The following NTRK3 variants were observed in gnomAD, a reference collection of about 807,000 sequenced individuals.
NTRK3 encodes NT-3 growth factor receptor.
A neutral mutation model predicts 91.7 loss-of-function variants in NTRK3; 24 were observed. The observed-to-expected ratio is 0.26, with a 90% CI of 0.19 to 0.37. The LOEUF is 0.37. NTRK3 is among the 10% of genes least tolerant of loss of function. NTRK3 has a pLI of 1.00. For missense variants in NTRK3, 880 were observed against 1,068.9 expected (o/e 0.82, Z 2.46); for synonymous variants, 483 against 404.0 (o/e 1.20, Z -2.34).
At chr15:87,898,399 G>T (rs1214145881) in intron 17 of NTRK3, among the ~76,000 whole-genome samples, 1 of 152,166 alleles carries the variant, frequency 6.6e-6, no homozygotes, top group Non-Finnish European at 1.5e-5. Flanking sequence ...GTGACTGCCA[G>T]TCTGGATCCT....
chr15:88,036,450 A>C (rs1024044179), intron 13 of NTRK3, among the ~76,000 whole-genome samples: 1 of 152,154 alleles, frequency 6.6e-6, no homozygotes, highest in South Asian at 2.1e-4. Flanking sequence ...ATCCACTCTA[A>C]GAACAAAATA....
At chr15:87,972,083 A>G (rs2073306638) in intron 14 of NTRK3, among the ~76,000 whole-genome samples, 1 of 152,206 alleles carries the variant, frequency 6.6e-6, no homozygotes, top group Non-Finnish European at 1.5e-5. Flanking sequence ...TGCCAAGGCT[A>G]AGTCCTTGTC....
chr15:88,195,954 A>C (rs2047779063), intron 3 of NTRK3, among the ~76,000 whole-genome samples: 1 of 152,176 alleles, frequency 6.6e-6, no homozygotes, highest in Admixed American at 6.5e-5. Context: ...GCCACCCTTT[A>C]CTGAATTATA....
rs539485805 is a variant in NTRK3 at position 88,080,688 on chromosome 15, T to C, written c.1396+45583A>G. Among the ~76,000 whole-genome samples, 3 of 152,338 alleles carry C rather than the reference T, an allele frequency of 2.0e-5. No homozygotes were observed. In the East Asian group the frequency reaches 5.8e-4, roughly 29 times the overall value. ...CAGTGACGTGGCTCTTCCAATCTCA[T>C]GGCCAAAGAGCCCCAGATTGGAAGG... On this transcript the variant is annotated intron_variant, in intron 13 of 18. Transcript: ENST00000394480.
At chr15:87,922,547 C>A (rs952219855) in intron 17 of NTRK3, among the ~76,000 whole-genome samples, 3 of 152,104 alleles carry the variant, frequency 2.0e-5, no homozygotes, top group African/African-American at 7.2e-5. Context: ...CTCTTAAAAG[C>A]CCTGAACCTT....
chr15:88,055,020 C>T (rs1157586596), intron 13 of NTRK3, among the ~76,000 whole-genome samples: 8 of 152,120 alleles, frequency 5.3e-5, no homozygotes, highest in Non-Finnish European at 1.0e-4. Context: ...AACCTCAGAG[C>T]CCAAACACTT....
chr15:88,239,917 G>A (rs1362863705), intron 3 of NTRK3, among the ~76,000 whole-genome samples: 2 of 152,238 alleles, frequency 1.3e-5, no homozygotes, highest in East Asian at 1.9e-4. Context: ...GCCAAACTTC[G>A]GAATCAGAAA....
chr15:88,015,570 A>C (rs1011208224), intron 14 of NTRK3, among the ~76,000 whole-genome samples: 4 of 151,696 alleles, frequency 2.6e-5, no homozygotes, highest in African/African-American at 7.3e-5. Flanking sequence ...ACTGCTCTCT[A>C]AGCACACTGG....
intron 5 of NTRK3, among the ~76,000 whole-genome samples, chr15:88,173,191 G>A (rs954726221): frequency 6.6e-6 from 1 of 152,152 alleles, no homozygotes; most frequent in African/African-American, 2.4e-5. Context: ...GGGGACCCAG[G>A]CACACCTACA....
chr15:88,151,101 T>G (rs1472715899), intron 5 of NTRK3, among the ~76,000 whole-genome samples: 1 of 152,150 alleles, frequency 6.6e-6, no homozygotes, highest in Non-Finnish European at 1.5e-5. Context: ...GACTTTTGCT[T>G]GGGTCAATGG....
intron 17 of NTRK3, among the ~76,000 whole-genome samples, chr15:87,888,675 C>T (rs1000607755): frequency 1.3e-5 from 2 of 152,134 alleles, no homozygotes; most frequent in Admixed American, 6.5e-5. Context: ...ACACAGGATG[C>T]CCAGTTAAAT....
At chr15:88,072,951 T>C (rs1199012327) in intron 13 of NTRK3, 1 of 220,314 alleles carries the variant, frequency 4.5e-6, no homozygotes, top group Non-Finnish European at 9.1e-6. Flanking sequence ...GCATCAACCA[T>C]TAGTTTATTC....
At chr15:87,948,513 C>A (rs1162807040) in intron 14 of NTRK3, among the ~76,000 whole-genome samples, 1 of 152,112 alleles carries the variant, frequency 6.6e-6, no homozygotes, top group African/African-American at 2.4e-5. Flanking sequence ...CATGGCGAAA[C>A]CCCATCTCTG....
intron 5 of NTRK3, among the ~76,000 whole-genome samples, chr15:88,163,179 A>G (rs140111755): frequency 7.9e-5 from 12 of 152,254 alleles, no homozygotes; most frequent in East Asian, 5.8e-4. Context: ...CACAGCCCCA[A>G]TGGACTATAT....
chr15:88,006,891 C>T (rs2076532238), intron 14 of NTRK3, among the ~76,000 whole-genome samples: 2 of 152,108 alleles, frequency 1.3e-5, no homozygotes, highest in Admixed American at 6.5e-5. Flanking sequence ...CTAAGATAAC[C>T]CCACGAGTAA....
At chr15:88,129,874 G>A (rs959682122) in intron 10 of NTRK3, among the ~76,000 whole-genome samples, 2 of 152,162 alleles carry the variant, frequency 1.3e-5, no homozygotes, top group African/African-American at 4.8e-5. Context: ...GTGACTATCT[G>A]GAGAAAAGGT....
chr15:88,182,443 C>T (rs368288276), intron 5 of NTRK3, among the ~76,000 whole-genome samples: 20 of 152,158 alleles, frequency 1.3e-4, no homozygotes, highest in Admixed American at 2.6e-4. Context: ...AGCTGCCCTC[C>T]GTTACCAAAT....
At chr15:88,079,891 A>G (rs1284982873) in intron 13 of NTRK3, among the ~76,000 whole-genome samples, 1 of 152,220 alleles carries the variant, frequency 6.6e-6, no homozygotes, top group Non-Finnish European at 1.5e-5. Context: ...AATGGCTGGC[A>G]TATATCTTTC....
chr15:88,106,655 A>G (rs2050737968), intron 13 of NTRK3, among the ~76,000 whole-genome samples: 1 of 152,168 alleles, frequency 6.6e-6, no homozygotes. Context: ...AGAATGGGCC[A>G]GGCATGTGGC....
Sources: allele counts gnomAD v4.1 joint callset (sites outside exome capture counted in the v4.1 genomes callset), GRCh38; gene constraint gnomAD v4.1.1; transcripts MANE v1.5; gene names NCBI Gene and HGNC (gene_info 2026-07-23, HGNC 2026-07-21).